The following RAF1 variants were observed in gnomAD, a reference collection of about 807,000 sequenced individuals.
RAF1 encodes Raf-1 proto-oncogene, serine/threonine kinase.
A neutral mutation model predicts 81.1 loss-of-function variants in RAF1; 27 were observed. The observed-to-expected ratio is 0.33, with a 90% CI of 0.25 to 0.46. RAF1 has a LOEUF of 0.46. Among genes scored for constraint, RAF1 ranks in the 20% least tolerant of loss-of-function variants. RAF1 has a pLI of 1.00. For missense variants in RAF1, 598 were observed against 826.0 expected (o/e 0.72, Z 3.38); for synonymous variants, 298 against 294.0 (o/e 1.01, Z -0.14).
intron 1 of RAF1, among the ~76,000 whole-genome samples, chr3:12,640,462 C>G (rs140607447): frequency 0.019 from 2,903 of 152,256 alleles, 88 homozygotes; most frequent in African/African-American, 0.066. Flanking sequence ...TTTTTGCAAT[C>G]TACCCATCTG....
At chr3:12,609,005 AG>A in intron 4 of RAF1, 82 bp from the exon 5 acceptor site, 1 of 1,505,890 alleles carries the variant, frequency 6.6e-7, no homozygotes. Context: ...CCTCCAAAAA[AG>A]TTTTTACAAA....
At chr3:12,593,786 CTTTTTTT>C (rs756831846) in intron 11 of RAF1, among the ~76,000 whole-genome samples, 7 of 111,266 alleles carry the variant, frequency 6.3e-5, no homozygotes, top group Admixed American at 2.1e-4. Flanking sequence ...GGAGTAAATC[CTTTTTTT>C]TTTTTTTTTT....
intron 1 of RAF1, among the ~76,000 whole-genome samples, chr3:12,659,005 C>G (rs551988858): frequency 6.6e-6 from 1 of 152,036 alleles, no homozygotes; most frequent in South Asian, 2.1e-4. Context: ...TAGAGCTACG[C>G]AAGTCATTCT....
At chr3:12,617,205 C>T (rs1268147293) in intron 2 of RAF1, among the ~76,000 whole-genome samples, 2 of 152,166 alleles carry the variant, frequency 1.3e-5, no homozygotes, top group African/African-American at 2.4e-5. Context: ...CTCTGCCTCC[C>T]GGGTTCGAGT....
At chr3:12,592,745 T>A (rs1288695656) in intron 11 of RAF1, among the ~76,000 whole-genome samples, 1 of 148,462 alleles carries the variant, frequency 6.7e-6, no homozygotes. Flanking sequence ...TTTTTTTTTT[T>A]TTTTTTTTGA....
At position 12,614,074 on chromosome 3, in the gene RAF1, C is replaced by T. The variant is rs536766594; in HGVS notation, c.208-2012G>A. Among the ~76,000 whole-genome samples the T allele has an allele frequency of 1.5e-3, 233 of 152,106 alleles. 1 individual carries two copies. Among genetic ancestry groups the T allele is most frequent in the African/African-American group, 5.2e-3 (216 of 41,458 alleles). On this transcript the variant is annotated intron_variant, in intron 2 of 17. Transcript: ENST00000442415. Reference sequence around the variant, plus strand: ...CAGAGATGTGGAAGAAAGGAAAGGTCGTGAACAACAGGGTAAGGGGAAACC... The same window carrying T: ...CAGAGATGTGGAAGAAAGGAAAGGTTGTGAACAACAGGGTAAGGGGAAACC...
intron 6 of RAF1, among the ~76,000 whole-genome samples, chr3:12,605,250 A>ATGTCTGTGTGTGTG (rs1553614000): frequency 6.9e-6 from 1 of 144,538 alleles, no homozygotes; most frequent in African/African-American, 2.6e-5. Flanking sequence ...ATTACACATT[A>ATGTCTGTGTGTGTG]TGTGTGTGTG....
Position 12,663,955 on chromosome 3 carries a change from C to A in RAF1, c.-169G>T. ...AGGGGACGGAGCCCCGAGCAGCCCCCGCATCGTAGCAAACGCGCTCCGCGC... is the reference window on the plus strand; with the variant it reads ...AGGGGACGGAGCCCCGAGCAGCCCCAGCATCGTAGCAAACGCGCTCCGCGC... On this transcript the variant is annotated 5_prime_UTR_variant, in exon 1 of 18. Coordinates refer to ENST00000442415, the MANE Select transcript of RAF1 (RefSeq NM_001354689.3). 3 of 398,452 alleles carry A rather than the reference C, an allele frequency of 7.5e-6. No homozygotes were observed. Among genetic ancestry groups the A allele is most frequent in the Non-Finnish European group, 8.9e-6 (2 of 225,918 alleles). 24.7% of individuals were successfully genotyped at this position (398,452 alleles called of 1,614,324 possible).
intron 1 of RAF1, among the ~76,000 whole-genome samples, chr3:12,622,312 A>G (rs2059579430): frequency 6.6e-6 from 1 of 152,210 alleles, no homozygotes; most frequent in South Asian, 2.1e-4. Context: ...AGCTCCTAAT[A>G]ATCCATGTAA....
At chr3:12,660,426 C>G (rs551136593) in intron 1 of RAF1, among the ~76,000 whole-genome samples, 11 of 151,990 alleles carry the variant, frequency 7.2e-5, no homozygotes, top group African/African-American at 2.7e-4. Flanking sequence ...GCCTCCCAAG[C>G]AGCTGGGACT....
chr3:12,649,234 C>T (rs982499717), intron 1 of RAF1, among the ~76,000 whole-genome samples: 1 of 152,164 alleles, frequency 6.6e-6, no homozygotes, highest in Non-Finnish European at 1.5e-5. Flanking sequence ...CTGATAATAT[C>T]ATTTGTTCTT....
At chr3:12,635,211 C>G (rs923988425) in intron 1 of RAF1, among the ~76,000 whole-genome samples, 1 of 150,828 alleles carries the variant, frequency 6.6e-6, no homozygotes, top group Non-Finnish European at 1.5e-5. Context: ...CCCAGCTACT[C>G]AGGAGGCTGA....
intron 10 of RAF1, 49 bp downstream of exon 9, chr3:12,600,103 T>A (rs2058812156): frequency 6.2e-7 from 1 of 1,612,836 alleles, no homozygotes; most frequent in Non-Finnish European, 8.5e-7. Context: ...CCAACGAGGT[T>A]TTTCTTACTG....
At chr3:12,660,171 G>T (rs556943327) in intron 1 of RAF1, among the ~76,000 whole-genome samples, 46 of 151,950 alleles carry the variant, frequency 3.0e-4, no homozygotes, top group Non-Finnish European at 5.0e-4. Flanking sequence ...TATAATACTT[G>T]ATGTTTAACA....
chr3:12,634,518 G>A (rs1372206196), intron 1 of RAF1, among the ~76,000 whole-genome samples: 1 of 152,046 alleles, frequency 6.6e-6, no homozygotes, highest in Non-Finnish European at 1.5e-5. Context: ...TATAGGAAAC[G>A]GGACATCCAG....
In RAF1 at chr3:12,627,997, G is replaced by A. The variant is rs1170892037; in HGVS notation, c.-26-9250C>T. On this transcript the variant is annotated intron_variant, in intron 1 of 17. Coordinates refer to ENST00000442415, the MANE Select transcript of RAF1 (RefSeq NM_001354689.3). ...TAGCCGGGTGTGATGGCATGTGCCT[G>A]TAATCCCAGCTACTCGGGAGGCTGA... Among the ~76,000 whole-genome samples the A allele has an allele frequency of 2.6e-5, 4 of 152,330 alleles. No individual in the cohort carries two copies. The East Asian group carries it at 5.8e-4, about 22-fold the overall frequency.
intron 1 of RAF1, among the ~76,000 whole-genome samples, chr3:12,647,804 C>T (rs920643055): frequency 1.3e-5 from 2 of 152,174 alleles, no homozygotes; most frequent in Non-Finnish European, 2.9e-5. Flanking sequence ...TTCTCAATTT[C>T]TGACCACAAA....
At chr3:12,601,784 T>G (rs1002448097) in intron 8 of RAF1, among the ~76,000 whole-genome samples, 1 of 152,162 alleles carries the variant, frequency 6.6e-6, no homozygotes, top group African/African-American at 2.4e-5. Flanking sequence ...TAGCTAGTCT[T>G]CAGAATTACC....
intron 1 of RAF1, among the ~76,000 whole-genome samples, chr3:12,620,359 C>G (rs1051707268): frequency 5.9e-5 from 9 of 152,172 alleles, no homozygotes; most frequent in Non-Finnish European, 1.2e-4. Context: ...GTCTCAATCT[C>G]TTGACCTCGT....
Sources: allele counts gnomAD v4.1 joint callset (sites outside exome capture counted in the v4.1 genomes callset), GRCh38; gene constraint gnomAD v4.1.1; transcripts MANE v1.5; gene names NCBI Gene and HGNC (gene_info 2026-07-23, HGNC 2026-07-21).